Variants in PPP1R9A observed in about 807,000 individuals in gnomAD.
PPP1R9A encodes neurabin-1.
In PPP1R9A, 59 loss-of-function variants were observed where a neutral mutation model predicts 141.9. The observed-to-expected ratio is 0.42, with a 90% CI of 0.34 to 0.52. PPP1R9A has a LOEUF of 0.52. Among genes scored for constraint, PPP1R9A ranks in the 20% least tolerant of loss-of-function variants. PPP1R9A has a pLI of 0.10. For missense variants in PPP1R9A, 1,444 were observed against 1,611.9 expected, an observed-to-expected ratio of 0.90 and a Z score of 1.78; for synonymous variants, 500 against 569.7, an observed-to-expected ratio of 0.88 and a Z score of 1.74.
intron 14 of PPP1R9A, among the ~76,000 whole-genome samples, chr7:95,270,129 G>T (rs1801939914): frequency 6.6e-6 from 1 of 152,080 alleles, no homozygotes; most frequent in African/African-American, 2.4e-5. Context: ...GCAGTGTTGA[G>T]TCGTTGTGAC....
At chr7:95,062,477 G>A (rs989573375) in intron 2 of PPP1R9A, among the ~76,000 whole-genome samples, 2 of 149,836 alleles carry the variant, frequency 1.3e-5, no homozygotes, top group African/African-American at 4.9e-5. Context: ...GGAGTACAGT[G>A]GTGCAGTCTC....
intron 2 of PPP1R9A, among the ~76,000 whole-genome samples, chr7:94,997,203 T>C (rs1802306441): frequency 6.6e-6 from 1 of 152,170 alleles, no homozygotes; most frequent in Non-Finnish European, 1.5e-5. Context: ...TATTTGAGCC[T>C]ATTTATATTA....
intron 2 of PPP1R9A, among the ~76,000 whole-genome samples, chr7:95,055,250 A>C (rs1811356001): frequency 6.7e-6 from 1 of 149,984 alleles, no homozygotes; most frequent in South Asian, 2.1e-4. Flanking sequence ...TCCTCTCCCC[A>C]GTTAAAATAT....
At chr7:94,970,029 A>G (rs1196369722) in intron 2 of PPP1R9A, among the ~76,000 whole-genome samples, 1 of 152,114 alleles carries the variant, frequency 6.6e-6, no homozygotes, top group Non-Finnish European at 1.5e-5. Flanking sequence ...GGTCGACTTC[A>G]TACTGCTGTG....
At chr7:94,908,646 G>A (rs1791082220) in intron 1 of PPP1R9A, 1 of 152,284 alleles carries the variant, frequency 6.6e-6, no homozygotes, top group Non-Finnish European at 1.5e-5. Context: ...GAATCCCCCG[G>A]CGGCCCCATC....
At chr7:95,204,710 C>A (rs993494128) in intron 7 of PPP1R9A, among the ~76,000 whole-genome samples, 3 of 144,510 alleles carry the variant, frequency 2.1e-5, no homozygotes, top group African/African-American at 7.7e-5. Context: ...ACACCACACA[C>A]ACACACCACA....
intron 5 of PPP1R9A, among the ~76,000 whole-genome samples, chr7:95,194,464 GC>G (rs1298801504): frequency 6.6e-6 from 1 of 151,926 alleles, no homozygotes; most frequent in Non-Finnish European, 1.5e-5. Context: ...TTTAGCCAGG[GC>G]ATTAAGGCAG....
intron 8 of PPP1R9A, among the ~76,000 whole-genome samples, chr7:95,246,789 CG>C (rs1185601545): frequency 6.6e-6 from 1 of 151,884 alleles, no homozygotes; most frequent in Non-Finnish European, 1.5e-5. Context: ...GAAAACAAAG[CG>C]GGGGGAGGGA....
intron 2 of PPP1R9A, among the ~76,000 whole-genome samples, chr7:95,060,169 C>T (rs1812034581): frequency 6.6e-6 from 1 of 152,152 alleles, no homozygotes; most frequent in African/African-American, 2.4e-5. Context: ...GGAGCTATAG[C>T]CCTGCCTTTC....
chr7:95,099,194 C>T (rs1023841683), intron 2 of PPP1R9A, among the ~76,000 whole-genome samples: 1 of 152,184 alleles, frequency 6.6e-6, no homozygotes, highest in African/African-American at 2.4e-5. Flanking sequence ...TAACTTGCTG[C>T]ATCTGTAAAA....
chr7:94,920,964 T>C (rs1428621412), intron 2 of PPP1R9A, among the ~76,000 whole-genome samples: 2 of 151,616 alleles, frequency 1.3e-5, no homozygotes, highest in Non-Finnish European at 3.0e-5. Context: ...TCCTCCTCTT[T>C]TAAAAATATG....
chr7:95,016,961 G>T (rs1015171822), intron 2 of PPP1R9A, among the ~76,000 whole-genome samples: 2 of 152,118 alleles, frequency 1.3e-5, no homozygotes, highest in African/African-American at 4.8e-5. Context: ...GATTTAGGGT[G>T]GGTCCTAATC....
chr7:94,970,521 G>A (rs1798744515), intron 2 of PPP1R9A, among the ~76,000 whole-genome samples: 1 of 152,020 alleles, frequency 6.6e-6, no homozygotes, highest in African/African-American at 2.4e-5. Context: ...CAGTCCCAAT[G>A]AGATGAGCTG....
chr7:95,129,462 G>A (rs140937212), intron 4 of PPP1R9A, among the ~76,000 whole-genome samples: 2 of 152,230 alleles, frequency 1.3e-5, no homozygotes, highest in East Asian at 3.9e-4. Context: ...CCTTTTTCCT[G>A]TATAAATTAC....
intron 2 of PPP1R9A, among the ~76,000 whole-genome samples, chr7:94,937,943 A>G (rs1219725047): frequency 6.6e-6 from 1 of 152,208 alleles, no homozygotes; most frequent in Non-Finnish European, 1.5e-5. Flanking sequence ...CTTGTGAAAT[A>G]TTAGTTCCCT....
intron 7 of PPP1R9A, among the ~76,000 whole-genome samples, chr7:95,214,001 T>G (rs908167947): frequency 6.6e-6 from 1 of 152,198 alleles, no homozygotes; most frequent in Non-Finnish European, 1.5e-5. Context: ...TCACAATCTG[T>G]GCAGTGCAAT....
chr7:94,928,715 A>G (rs1380626751), intron 2 of PPP1R9A, among the ~76,000 whole-genome samples: 1 of 152,220 alleles, frequency 6.6e-6, no homozygotes, highest in Admixed American at 6.5e-5. Flanking sequence ...AATTGATAAA[A>G]CATGAGTGTG....
At chr7:94,996,824 G>A (rs1378737919) in intron 2 of PPP1R9A, among the ~76,000 whole-genome samples, 2 of 105,426 alleles carry the variant, frequency 1.9e-5, no homozygotes, top group African/African-American at 4.0e-5. Flanking sequence ...TTTTTGAGAT[G>A]GAGTTTTTGC....
chr7:95,072,304 ATAT>A (rs2152173796), intron 2 of PPP1R9A, among the ~76,000 whole-genome samples: 1 of 144,952 alleles, frequency 6.9e-6, no homozygotes, highest in African/African-American at 2.5e-5. Flanking sequence ...AAAATTAATA[ATAT>A]TGTATTATAT....
Sources: allele counts gnomAD v4.1 joint callset (sites outside exome capture counted in the v4.1 genomes callset), GRCh38; gene constraint gnomAD v4.1.1; transcripts MANE v1.5; gene names NCBI Gene and HGNC (gene_info 2026-07-23, HGNC 2026-07-21).